Variants in RPH3A observed in about 807,000 individuals in gnomAD.
RPH3A encodes the protein rabphilin-3A.
Under a neutral mutation model 102.2 loss-of-function variants are expected in RPH3A, and 48 were observed. That is an observed-to-expected ratio of 0.47 (90% CI 0.37 to 0.60). The LOEUF (loss-of-function observed/expected upper bound fraction) is 0.60, where lower values mean the gene tolerates loss of function less well. RPH3A is among the 20% of genes least tolerant of loss of function. RPH3A has a pLI of 0.00. For synonymous variants in RPH3A, 310 were observed against 324.3 expected (o/e 0.96, Z 0.47); for missense variants, 781 against 910.1 (o/e 0.86, Z 1.83).
intron 1 of RPH3A, among the ~76,000 whole-genome samples, chr12:112,685,260 C>T (rs2040255231): frequency 6.6e-6 from 1 of 152,160 alleles, no homozygotes; most frequent in South Asian, 2.1e-4. Context: ...TTTATAAGGG[C>T]ACTAATCATA....
intron 1 of RPH3A, among the ~76,000 whole-genome samples, chr12:112,604,277 ATTTC>A (rs752937904): frequency 4.6e-5 from 7 of 152,206 alleles, no homozygotes; most frequent in Non-Finnish European, 7.3e-5. Flanking sequence ...ACTGGCAACC[ATTTC>A]AAGAATCACC....
In RPH3A at chr12:112,772,154, G is replaced by C. The variant is rs1015600223; in HGVS notation, c.-139-19989G>C. Among the ~76,000 whole-genome samples the C allele has an allele frequency of 2.6e-5, 4 of 152,034 alleles. No homozygotes were observed. In the South Asian group the frequency reaches 8.3e-4, roughly 32 times the overall value. ...CCCTTCCCTCTTTCCCTTATGCCCC[G>C]GGTTTTATCCTGTGAGAAAAATGTT... On this transcript the variant is annotated intron_variant, in intron 1 of 21. Coordinates refer to the RPH3A transcript ENST00000543106.
chr12:112,696,682 C>T (rs1049003413), intron 1 of RPH3A, among the ~76,000 whole-genome samples: 2 of 152,130 alleles, frequency 1.3e-5, no homozygotes, highest in South Asian at 4.2e-4. Context: ...GAGGAGAATT[C>T]CCCCATCAAA....
intron 15 of RPH3A, among the ~76,000 whole-genome samples, chr12:112,882,556 G>A (rs571446762): frequency 3.3e-5 from 5 of 152,262 alleles, no homozygotes; most frequent in African/African-American, 7.2e-5. Context: ...ACACATGTAC[G>A]CACCTGTACA....
intron 1 of RPH3A, among the ~76,000 whole-genome samples, chr12:112,639,981 A>G (rs939525513): frequency 1.3e-5 from 2 of 152,074 alleles, no homozygotes; most frequent in Non-Finnish European, 2.9e-5. Flanking sequence ...TAGGTAACTC[A>G]TCAAGGGTCA....
At chr12:112,641,134 G>A (rs16942141) in intron 1 of RPH3A, among the ~76,000 whole-genome samples, 8,129 of 152,288 alleles carry the variant, frequency 0.053, 499 homozygotes, top group African/African-American at 0.14. Context: ...GCAGCCATAC[G>A]CTAGCATTTG....
In RPH3A at chr12:112,825,893, T is replaced by TTTTA. The variant is rs531198636; in HGVS notation, c.-18-2391_-18-2388dup. 1.4e-3 allele frequency among the ~76,000 whole-genome samples: 216 copies of TTTTA among 152,174 alleles called. 1 individual carries two copies. Among genetic ancestry groups the TTTTA allele is most frequent in the African/African-American group, 4.4e-3 (183 of 41,510 alleles). ...AATGGAGAAGCGGGAGGAGGAACTA[T>TTTTA]TTTATTTATTTATTTATTTAGGTCA... On this transcript the variant is annotated intron_variant, in intron 2 of 21. Transcript: ENST00000389385.
Position 112,897,145 on chromosome 12 carries a change from T to TACACACACAC in RPH3A, c.*386_*395dup, listed in dbSNP as rs10563429. ...CCTCCTAGCCTTGAACACACACATG[T>TACACACACAC]ACACACACACACACACACACACACA... On this transcript the variant is annotated 3_prime_UTR_variant, in exon 22 of 22. Transcript: ENST00000389385. 727 of 183,684 alleles carry TACACACACAC rather than the reference T, an allele frequency of 4.0e-3. 5 individuals are homozygous for TACACACACAC. Among genetic ancestry groups the TACACACACAC allele is most frequent in the African/African-American group, 0.016 (675 of 42,104 alleles). The allele number at this position is 183,684 out of a possible 1,614,324, so 11.4% of individuals were successfully genotyped here. A position where few individuals can be genotyped will look rare whatever the true frequency, so the allele number is the denominator to read the frequency against.
chr12:112,863,720 A>T (rs2042560439), intron 5 of RPH3A, among the ~76,000 whole-genome samples: 1 of 152,252 alleles, frequency 6.6e-6, no homozygotes, highest in South Asian at 2.1e-4. Flanking sequence ...TGGCATAAAT[A>T]GTAGTGCCTC....
At chr12:112,759,995 C>A (rs56761357) in intron 1 of RPH3A, among the ~76,000 whole-genome samples, 14,662 of 152,032 alleles carry the variant, frequency 0.096, 773 homozygotes, top group Middle Eastern at 0.13. Flanking sequence ...GCCCGACCAG[C>A]CGGCCTGTCT....
At chr12:112,818,713 C>G (rs2041723165) in intron 2 of RPH3A, among the ~76,000 whole-genome samples, 1 of 152,116 alleles carries the variant, frequency 6.6e-6, no homozygotes, top group African/African-American at 2.4e-5. Flanking sequence ...CCACCTGGAC[C>G]ACACAGATTG....
At chr12:112,669,058 C>T (rs951450971) in intron 1 of RPH3A, among the ~76,000 whole-genome samples, 3 of 152,198 alleles carry the variant, frequency 2.0e-5, no homozygotes, top group African/African-American at 7.2e-5. Context: ...GACAGCAATA[C>T]ATCAATGATA....
intron 3 of RPH3A, among the ~76,000 whole-genome samples, chr12:112,829,065 C>T (rs1406768093): frequency 6.6e-6 from 1 of 152,170 alleles, no homozygotes; most frequent in Non-Finnish European, 1.5e-5. Flanking sequence ...ATTTCTGTTA[C>T]CCACCCATCC....
chr12:112,648,570 C>CAAAAAAAAA lies in RPH3A; in HGVS notation c.-140+73271_-140+73279dup, dbSNP rs1167121829. On this transcript the variant is annotated intron_variant, in intron 1 of 21. Coordinates refer to the RPH3A transcript ENST00000543106. ...GCAACAGAGTGAAACCCCATCTCTA[C>CAAAAAAAAA]AAAAAAAAAAAAAAAAAAAAAAAAA... is the stretch of plus-strand genomic sequence containing the variant. 1.1e-3 allele frequency among the ~76,000 whole-genome samples: 12 copies of CAAAAAAAAA among 11,038 alleles called. 5 individuals are homozygous for CAAAAAAAAA. Among genetic ancestry groups the CAAAAAAAAA allele is most frequent in the African/African-American group, 2.4e-3 (6 of 2,478 alleles). The allele number at this position is 11,038 out of a possible 152,430, so 7.2% of individuals were successfully genotyped here.
intron 6 of RPH3A, among the ~76,000 whole-genome samples, chr12:112,866,189 T>C (rs972100852): frequency 5.9e-5 from 9 of 152,240 alleles, no homozygotes; most frequent in Non-Finnish European, 1.0e-4. Flanking sequence ...ACATTTGACA[T>C]GTAGAATGAA....
chr12:112,675,031 G>T (rs1022638338), intron 1 of RPH3A, among the ~76,000 whole-genome samples: 1 of 152,124 alleles, frequency 6.6e-6, no homozygotes, highest in Non-Finnish European at 1.5e-5. Context: ...ATCTCTCCCC[G>T]CTCCAAACAG....
chr12:112,728,458 A>G (rs903668834), intron 1 of RPH3A, among the ~76,000 whole-genome samples: 1 of 152,130 alleles, frequency 6.6e-6, no homozygotes, highest in Non-Finnish European at 1.5e-5. Context: ...TGCATGCAAA[A>G]ATGTTTTGTG....
intron 1 of RPH3A, among the ~76,000 whole-genome samples, chr12:112,631,831 G>A (rs541651410): frequency 2.0e-5 from 3 of 152,206 alleles, no homozygotes; most frequent in South Asian, 2.1e-4. Context: ...GCCTGAAAGC[G>A]TGTAAATGTA....
At chr12:112,608,070 C>T (rs933929194) in intron 1 of RPH3A, among the ~76,000 whole-genome samples, 3 of 151,758 alleles carry the variant, frequency 2.0e-5, no homozygotes, top group Non-Finnish European at 4.4e-5. Context: ...TTCATTTATT[C>T]TCTTACCCTC....
Sources: gnomAD v4.1 joint callset for allele counts (sites outside exome capture counted in the v4.1 genomes callset) on GRCh38, gnomAD v4.1.1 for gene constraint, MANE v1.5 for transcripts, NCBI Gene and HGNC (gene_info 2026-07-23, HGNC 2026-07-21) for gene names.